Variants in UNC13C observed in about 807,000 individuals in gnomAD.
UNC13C encodes protein unc-13 homolog C.
Under a neutral mutation model 245.4 loss-of-function variants are expected in UNC13C, and 174 were observed. The observed-to-expected ratio is 0.71, with a 90% confidence interval of 0.63 to 0.80. The LOEUF is 0.80. Among genes scored for constraint, UNC13C ranks in the 30% least tolerant of loss-of-function variants. The probability of loss-of-function intolerance (pLI) is 0.00; values close to 1 mark genes in which losing one functional copy is unlikely to be tolerated. For synonymous variants in UNC13C, 992 were observed against 895.1 expected, an observed-to-expected ratio of 1.11 and a Z score of -1.93; for missense variants, 2,829 against 2,602.9, an observed-to-expected ratio of 1.09 and a Z score of -1.89.
At chr15:54,569,989 C>G (rs541251982) in intron 30 of UNC13C, among the ~76,000 whole-genome samples, 21 of 152,172 alleles carry the variant, frequency 1.4e-4, no homozygotes, top group South Asian at 1.2e-3. Context: ...TAAAAGGGAG[C>G]CTGATGTGCC....
intron 4 of UNC13C, among the ~76,000 whole-genome samples, chr15:54,150,559 A>G (rs2032471464): frequency 6.6e-6 from 1 of 152,230 alleles, no homozygotes; most frequent in African/African-American, 2.4e-5. Flanking sequence ...TGAATCAAGA[A>G]GTGGTTGCTG....
intron 2 of UNC13C, among the ~76,000 whole-genome samples, chr15:54,045,490 A>G (rs568762738): frequency 9.5e-4 from 144 of 152,248 alleles, no homozygotes; most frequent in African/African-American, 3.4e-3. Flanking sequence ...TAAATTTTTC[A>G]GAGCACCTGT....
chr15:54,622,318 T>C lies in UNC13C; in HGVS notation c.6107-9T>C, dbSNP rs373478850. 6.2e-7 allele frequency: 1 copy of C among 1,609,448 alleles called. No individual in the cohort carries two copies. The highest frequency in any genetic ancestry group is 8.5e-7 in the Non-Finnish European group (1 of 1,175,956). On this transcript the variant is annotated splice_polypyrimidine_tract_variant and intron_variant, in intron 30 of 32. Coordinates refer to ENST00000260323, the MANE Select transcript of UNC13C (RefSeq NM_001080534.3). Reference sequence around the variant, plus strand: ...AAGCTCAGGCCAGTAAGCCTCTGCTTATTTTCAGGTCGTTCCTCCAAAGAT... The same window carrying C: ...AAGCTCAGGCCAGTAAGCCTCTGCTCATTTTCAGGTCGTTCCTCCAAAGAT...
At chr15:54,244,384 A>G (rs1214971041) in intron 7 of UNC13C, among the ~76,000 whole-genome samples, 4 of 152,128 alleles carry the variant, frequency 2.6e-5, no homozygotes, top group Non-Finnish European at 4.4e-5. Flanking sequence ...GCCTTGTACT[A>G]TAGTTCGAAG....
chr15:54,568,413 GA>G (rs1049047855), intron 30 of UNC13C, among the ~76,000 whole-genome samples: 3 of 151,940 alleles, frequency 2.0e-5, no homozygotes, highest in African/African-American at 4.8e-5. Flanking sequence ...CATTTCATAT[GA>G]AAAAAATTAC....
chr15:54,230,224 C>G (rs1028109849), intron 4 of UNC13C, among the ~76,000 whole-genome samples: 1 of 152,120 alleles, frequency 6.6e-6, no homozygotes, highest in Non-Finnish European at 1.5e-5. Flanking sequence ...GCAAAGGTCC[C>G]TTTTTCTCCA....
At chr15:54,273,570 G>C (rs1360567929) in intron 10 of UNC13C, among the ~76,000 whole-genome samples, 1 of 152,076 alleles carries the variant, frequency 6.6e-6, no homozygotes, top group Non-Finnish European at 1.5e-5. Context: ...TACAAGTCCT[G>C]GGTTATTGGT....
At chr15:54,609,744 T>G (rs535255221) in intron 30 of UNC13C, among the ~76,000 whole-genome samples, 2 of 152,312 alleles carry the variant, frequency 1.3e-5, no homozygotes, top group East Asian at 3.9e-4. Context: ...TCCAGTCTCA[T>G]GCTGCTAATA....
At chr15:54,544,246 C>G (rs898910458) in intron 26 of UNC13C, among the ~76,000 whole-genome samples, 3 of 152,028 alleles carry the variant, frequency 2.0e-5, no homozygotes, top group Admixed American at 6.6e-5. Context: ...ATTCAACAGC[C>G]CTTGATGCTA....
chr15:54,407,880 T>TCAATGC (rs1041302816), intron 18 of UNC13C, among the ~76,000 whole-genome samples: 1 of 152,084 alleles, frequency 6.6e-6, no homozygotes, highest in Non-Finnish European at 1.5e-5. Context: ...GAAAACATTT[T>TCAATGC]CAATGCATGG....
intron 17 of UNC13C, among the ~76,000 whole-genome samples, chr15:54,383,162 T>A (rs761364093): frequency 6.6e-6 from 1 of 152,124 alleles, no homozygotes; most frequent in African/African-American, 2.4e-5. Context: ...TTCCAAAAAT[T>A]GAATAGAGAA....
chr15:53,970,260 G>A, the UNC13C span, among the ~76,000 whole-genome samples: 1 of 152,026 alleles, frequency 6.6e-6, no homozygotes, highest in East Asian at 1.9e-4. Context: ...GTAGAGACAG[G>A]GTTTTACCAT....
At chr15:54,488,105 C>T (rs1267230049) in intron 19 of UNC13C, among the ~76,000 whole-genome samples, 1 of 152,118 alleles carries the variant, frequency 6.6e-6, no homozygotes, top group Non-Finnish European at 1.5e-5. Context: ...CTTCTAATTA[C>T]ATGGCTTACC....
chr15:54,381,547 A>C (rs937986246), intron 17 of UNC13C, among the ~76,000 whole-genome samples: 4 of 152,130 alleles, frequency 2.6e-5, no homozygotes, highest in African/African-American at 4.8e-5. Flanking sequence ...TTTGGGTCAT[A>C]TAGATATTTT....
At chr15:54,190,872 C>G (rs528865031) in intron 4 of UNC13C, among the ~76,000 whole-genome samples, 21 of 152,074 alleles carry the variant, frequency 1.4e-4, no homozygotes, top group Admixed American at 9.2e-4. Flanking sequence ...GTTTTGTTCT[C>G]TAGTCCATCT....
intron 4 of UNC13C, among the ~76,000 whole-genome samples, chr15:54,203,710 AT>A (rs1567094662): frequency 6.9e-6 from 1 of 145,594 alleles, no homozygotes; most frequent in Non-Finnish European, 1.5e-5. Context: ...ACATATATGT[AT>A]ATATACACAC....
chr15:54,103,812 T>C (rs1178747897), intron 2 of UNC13C, among the ~76,000 whole-genome samples: 1 of 152,224 alleles, frequency 6.6e-6, no homozygotes, highest in Non-Finnish European at 1.5e-5. Flanking sequence ...TGGCGCCATC[T>C]TGGCTCACTG....
At chr15:54,028,556 C>G (rs1352005371) in intron 2 of UNC13C, among the ~76,000 whole-genome samples, 2 of 152,172 alleles carry the variant, frequency 1.3e-5, no homozygotes, top group Non-Finnish European at 2.9e-5. Context: ...TGCTGCCTCC[C>G]TCATCTCCTG....
At chr15:54,517,820 A>G (rs1895045857) in intron 24 of UNC13C, among the ~76,000 whole-genome samples, 1 of 152,198 alleles carries the variant, frequency 6.6e-6, no homozygotes, top group Admixed American at 6.5e-5. Context: ...TTGTGAGAGA[A>G]AAACAACAAG....
Sources: gnomAD v4.1 joint callset for allele counts (sites outside exome capture counted in the v4.1 genomes callset) on GRCh38, gnomAD v4.1.1 for gene constraint, MANE v1.5 for transcripts, NCBI Gene and HGNC (gene_info 2026-07-23, HGNC 2026-07-21) for gene names.